The following POU2F2 variants were observed in gnomAD, a reference collection of about 807,000 sequenced individuals.
POU2F2 encodes the protein POU domain, class 2, transcription factor 2.
In POU2F2, 14 loss-of-function variants were observed where a neutral mutation model predicts 63.5. The ratio of observed to expected loss-of-function variants is 0.22; its 90% CI spans 0.15 to 0.34. POU2F2 has a LOEUF of 0.34. Ranked by LOEUF, POU2F2 falls within the 10% of genes least tolerant of loss-of-function variation. POU2F2 has a pLI of 1.00. For synonymous variants in POU2F2, 306 were observed against 348.6 expected, an observed-to-expected ratio of 0.88 and a Z score of 1.36; for missense variants, 607 against 815.2, an observed-to-expected ratio of 0.74 and a Z score of 3.11.
chr19:42,190,107 G>T (rs1186115407), intron 1 of POU2F2, among the ~76,000 whole-genome samples: 2 of 152,090 alleles, frequency 1.3e-5, no homozygotes, highest in Non-Finnish European at 2.9e-5. Flanking sequence ...AGAGAAGAGG[G>T]AAGGTGTGGA....
intron 5 of POU2F2, among the ~76,000 whole-genome samples, chr19:42,101,009 G>A (rs1188223076): frequency 6.6e-6 from 1 of 152,024 alleles, no homozygotes; most frequent in African/African-American, 2.4e-5. Context: ...TGAGGCAGGA[G>A]AATCGCTTGA....
At chr19:42,187,907 C>A (rs556462678) in intron 1 of POU2F2, among the ~76,000 whole-genome samples, 1 of 151,982 alleles carries the variant, frequency 6.6e-6, no homozygotes, top group Non-Finnish European at 1.5e-5. Context: ...GTCCCAGTGA[C>A]CCCTGCCTCC....
At chr19:42,147,441 A>G (rs946499310) in intron 2 of POU2F2, among the ~76,000 whole-genome samples, 1 of 152,344 alleles carries the variant, frequency 6.6e-6, no homozygotes, top group East Asian at 1.9e-4. Context: ...GGATAGACTT[A>G]TCAGTTCCTG....
intron 1 of POU2F2, among the ~76,000 whole-genome samples, chr19:42,195,233 C>G (rs953025086): frequency 1.3e-5 from 2 of 151,480 alleles, no homozygotes; most frequent in African/African-American, 2.4e-5. Context: ...TATCCCCCAG[C>G]GTCCCTGCTG....
upstream of POU2F2, chr19:42,133,468 G>A (rs2033898192): frequency 6.5e-6 from 1 of 154,634 alleles, no homozygotes; most frequent in African/African-American, 2.4e-5. The surrounding 1 kb of genome is among the most constrained non-coding windows in gnomAD (Gnocchi z 5.1). Flanking sequence ...GAGGCTGTGG[G>A]GCTGCCTGGC....
intron 2 of POU2F2, among the ~76,000 whole-genome samples, chr19:42,150,228 T>G (rs1171739871): frequency 6.6e-6 from 1 of 151,960 alleles, no homozygotes; most frequent in African/African-American, 2.4e-5. Context: ...ACCCATCCCA[T>G]GGCCACCTTT....
chr19:42,176,081 G>GA (rs71336805), upstream of POU2F2: 2,748 of 128,564 alleles, frequency 0.021, 32 homozygotes, highest in Non-Finnish European at 0.023. Context: ...GAGAGAGAGA[G>GA]AAAAAAAAAA....
At chr19:42,182,242 A>AGAG (rs2034969394) in intron 1 of POU2F2, among the ~76,000 whole-genome samples, 11 of 125,996 alleles carry the variant, frequency 8.7e-5, no homozygotes, top group Non-Finnish European at 1.3e-4. Flanking sequence ...TCTGTCTCAA[A>AGAG]AGAGAGAGAG....
chr19:42,170,300 G>A (rs1476570297), intron 1 of POU2F2, among the ~76,000 whole-genome samples: 6 of 151,332 alleles, frequency 4.0e-5, no homozygotes, highest in African/African-American at 9.7e-5. Context: ...GCCCACACCC[G>A]CCGACACCTA....
chr19:42,150,074 T>A (rs1381452509), intron 2 of POU2F2, among the ~76,000 whole-genome samples: 2 of 152,144 alleles, frequency 1.3e-5, no homozygotes, highest in Admixed American at 1.3e-4. Context: ...CCTGTTCTTG[T>A]CCCCTGCTGG....
At chr19:42,187,851 A>G (rs1360609265) in intron 1 of POU2F2, among the ~76,000 whole-genome samples, 4 of 151,648 alleles carry the variant, frequency 2.6e-5, no homozygotes, top group Non-Finnish European at 5.9e-5. Flanking sequence ...GAAGAGAACC[A>G]TGAGCCTGCT....
chr19:42,138,162 T>A (rs1305839812), intron 2 of POU2F2, among the ~76,000 whole-genome samples: 1 of 151,770 alleles, frequency 6.6e-6, no homozygotes, highest in Admixed American at 6.6e-5. Context: ...GAGGATGGAG[T>A]GTGGGGGTCA....
intron 5 of POU2F2, among the ~76,000 whole-genome samples, chr19:42,102,410 T>C (rs1417079921): frequency 5.3e-5 from 8 of 152,182 alleles, no homozygotes; most frequent in Admixed American, 5.2e-4. Context: ...CTCACAGCTG[T>C]ATACCTATGA....
At chr19:42,134,129 T>G (rs1568407717), upstream of POU2F2, among the ~76,000 whole-genome samples, 1 of 151,038 alleles carries the variant, frequency 6.6e-6, no homozygotes, top group Non-Finnish European at 1.5e-5. Context: ...ACTGGAGCCT[T>G]GTCTCAAAGC....
At chr19:42,189,251 A>G (rs1037687246) in intron 1 of POU2F2, among the ~76,000 whole-genome samples, 1 of 152,220 alleles carries the variant, frequency 6.6e-6, no homozygotes, top group East Asian at 1.9e-4. Context: ...CCCACGTCCT[A>G]CTGGATATGC....
chr19:42,091,641 G>T lies in POU2F2; in HGVS notation c.1541-50C>A, dbSNP rs1003686090. The stretch of plus-strand genomic sequence containing the variant: ...GCTAAGGGCATGCCGGGCCAGGGGA[G>T]ACCTTTGCCTTCCAGCATCCTGCCC... On this transcript the variant is annotated intron_variant, in intron 14 of 14. Coordinates refer to ENST00000692977, the MANE Select transcript of POU2F2 (RefSeq NM_001394376.1). 5 of 1,544,978 alleles carry T rather than the reference G, an allele frequency of 3.2e-6. No homozygotes were observed. The South Asian group carries it at 6.0e-5, about 19-fold the overall frequency.
At chr19:42,176,471 T>C (rs1032047581), upstream of POU2F2, among the ~76,000 whole-genome samples, 2 of 152,138 alleles carry the variant, frequency 1.3e-5, no homozygotes, top group Non-Finnish European at 2.9e-5. Flanking sequence ...CTTTCTCTTC[T>C]GCCTCGGCTC....
In POU2F2 at chr19:42,156,100, G is replaced by A. The variant is rs911653928; in HGVS notation, c.-9+4232C>T. The A allele has an allele frequency of 6.6e-6, 1 of 152,170 alleles. No homozygotes were observed. Among genetic ancestry groups the A allele is most frequent in the Non-Finnish European group, 1.5e-5 (1 of 68,048 alleles). 9.4% of individuals were successfully genotyped at this position (152,170 alleles called of 1,614,324 possible). ...CACCAGTGCTTCGAAGAGCCCTGAG[G>A]AACGTCTCTCTATTTGAAGTCAGAG... On this transcript the variant is annotated intron_variant, in intron 2 of 6. Coordinates refer to the POU2F2 transcript ENST00000524801. The surrounding 1 kb of genome is among the most constrained non-coding windows in gnomAD (Gnocchi z 4.1).
At chr19:42,094,343 C>T (rs538095033) in intron 11 of POU2F2, among the ~76,000 whole-genome samples, 10 of 152,118 alleles carry the variant, frequency 6.6e-5, no homozygotes, top group Admixed American at 2.0e-4. Context: ...ATCTAAAGTG[C>T]GAGGCTAAAT....
Sources: allele counts gnomAD v4.1 joint callset (sites outside exome capture counted in the v4.1 genomes callset), GRCh38; gene constraint gnomAD v4.1.1; non-coding constraint Gnocchi (gnomAD v3.1); transcripts MANE v1.5; gene names NCBI Gene and HGNC (gene_info 2026-07-23, HGNC 2026-07-21).